PCCB: variants seen among roughly 807,000 people sequenced by gnomAD.
PCCB encodes the protein propionyl-CoA carboxylase beta chain, mitochondrial.
Under a neutral mutation model 60.7 loss-of-function variants are expected in PCCB, and 43 were observed. That is an observed-to-expected ratio of 0.71 (90% CI 0.55 to 0.91). PCCB has a LOEUF of 0.91. Ranked by LOEUF, PCCB falls within the 40% of genes least tolerant of loss-of-function variation. The probability of loss-of-function intolerance (pLI) is 0.00; values close to 1 mark genes in which losing one functional copy is unlikely to be tolerated. For synonymous variants in PCCB, 276 were observed against 255.9 expected, an observed-to-expected ratio of 1.08 and a Z score of -0.75; for missense variants, 766 against 702.8, an observed-to-expected ratio of 1.09 and a Z score of -1.02.
At chr3:136,269,051 CA>C (rs1230482564) in intron 5 of PCCB, among the ~76,000 whole-genome samples, 1 of 151,832 alleles carries the variant, frequency 6.6e-6, no homozygotes, top group Non-Finnish European at 1.5e-5. Flanking sequence ...GAGGCCAAGG[CA>C]GGGGGATCAC....
At chr3:136,256,818 G>A (rs1207999410) in intron 3 of PCCB, among the ~76,000 whole-genome samples, 195 bp downstream of exon 3, 2 of 152,158 alleles carry the variant, frequency 1.3e-5, no homozygotes, top group African/African-American at 2.4e-5. Context: ...GTCTGTTTTG[G>A]GGGGGATCAC....
At chr3:136,255,679 T>A in intron 1 of PCCB, 177 bp from the exon 2 acceptor site, 1 of 651,608 alleles carries the variant, frequency 1.5e-6, no homozygotes, top group South Asian at 1.7e-5. Context: ...CTGATTTCCA[T>A]GTCATCTAAA....
chr3:136,262,767 A>T (rs1941860788), intron 5 of PCCB, among the ~76,000 whole-genome samples: 1 of 152,150 alleles, frequency 6.6e-6, no homozygotes, highest in Non-Finnish European at 1.5e-5. Context: ...AGCCACTCTT[A>T]TCATCCCTGC....
intron 5 of PCCB, among the ~76,000 whole-genome samples, chr3:136,262,747 T>G (rs1296735405): frequency 6.6e-6 from 1 of 152,196 alleles, no homozygotes; most frequent in Non-Finnish European, 1.5e-5. Flanking sequence ...ACATTGTTTT[T>G]AATCAGGCCA....
intron 7 of PCCB, among the ~76,000 whole-genome samples, chr3:136,294,942 G>A (rs532031056): frequency 1.3e-5 from 2 of 152,218 alleles, no homozygotes; most frequent in South Asian, 2.1e-4. Context: ...TTAAGATTAC[G>A]TACCAAGTTT....
At chr3:136,251,503 G>T (rs921395554) in intron 1 of PCCB, among the ~76,000 whole-genome samples, 2 of 152,190 alleles carry the variant, frequency 1.3e-5, no homozygotes, top group Non-Finnish European at 2.9e-5. Flanking sequence ...CTCTATATTT[G>T]TCTAATATTG....
At position 136,329,962 on chromosome 3, in the gene PCCB, T is replaced by C. The variant is rs202247822; in HGVS notation, c.1556T>C (p.Leu519Pro). 3 of 1,614,074 alleles carry C rather than the reference T, an allele frequency of 1.9e-6. No individual in the cohort carries two copies. Among genetic ancestry groups the C allele is most frequent in the Admixed American group, 3.3e-5 (2 of 60,006 alleles). Residue 519 changes from leucine to proline, a missense_variant, in exon 15 of 15, where the codon CTG becomes CCG. Transcript: ENST00000251654. ...ACACGTGCCCGAATCTGCTGTGACC[T>C]GGATGTCTTGGCCAGCAAGAAGGTA... is the stretch of plus-strand genomic sequence containing the variant. The part of the protein sequence containing the change: ...SSTRARICCD[L>P]DVLASKKVQR...
chr3:136,281,013 A>G (rs1180044976), intron 5 of PCCB, among the ~76,000 whole-genome samples: 1 of 152,090 alleles, frequency 6.6e-6, no homozygotes, highest in Admixed American at 6.5e-5. Context: ...CTTGCTGAGG[A>G]TCAGTTGCAT....
At chr3:136,273,597 C>CTTTTTTTTTTTTT in intron 5 of PCCB, among the ~76,000 whole-genome samples, 47 of 45,234 alleles carry the variant, frequency 1.0e-3, no homozygotes, top group Non-Finnish European at 1.6e-3. Context: ...TTTCTTTTTT[C>CTTTTTTTTTTTTT]TTTTTTTTTT....
chr3:136,295,633 T>G (rs796951007), intron 7 of PCCB, among the ~76,000 whole-genome samples: 1 of 152,176 alleles, frequency 6.6e-6, no homozygotes, highest in African/African-American at 2.4e-5. Context: ...TGTTTATTTT[T>G]CCCCATTTTA....
intron 5 of PCCB, among the ~76,000 whole-genome samples, chr3:136,275,822 G>T (rs886218623): frequency 6.6e-6 from 1 of 152,102 alleles, no homozygotes; most frequent in African/African-American, 2.4e-5. Flanking sequence ...TCAGGCTGGA[G>T]TGCAGTGGCA....
At position 136,254,515 on chromosome 3, in the gene PCCB, T is replaced by G. The variant is rs866467002; in HGVS notation, c.184-1341T>G. ...GATTACAGGTGTGAGCCACTGCGGC[T>G]AGCTTTTTTTTTTTTTTTTTTTTTT... On this transcript the variant is annotated intron_variant, in intron 1 of 14. Coordinates refer to ENST00000251654, the MANE Select transcript of PCCB (RefSeq NM_000532.5). 1.6e-3 allele frequency among the ~76,000 whole-genome samples: 177 copies of G among 109,512 alleles called. 1 individual carries two copies. The highest frequency in any genetic ancestry group is 5.2e-3 in the African/African-American group (146 of 27,912). The allele number at this position is 109,512 out of a possible 152,430, so 71.8% of individuals were successfully genotyped here.
chr3:136,282,261 C>G (rs905943100), intron 5 of PCCB, among the ~76,000 whole-genome samples: 1 of 152,190 alleles, frequency 6.6e-6, no homozygotes, highest in Non-Finnish European at 1.5e-5. Context: ...GCTGTTTTAT[C>G]AAATTCTCCT....
At position 136,317,500 on chromosome 3, in the gene PCCB, A is replaced by T. The variant is rs115607602; in HGVS notation, c.1090+436A>T. 2.3e-3 allele frequency among the ~76,000 whole-genome samples: 344 copies of T among 152,204 alleles called. 2 individuals carry two copies. Among genetic ancestry groups the T allele is most frequent in the Non-Finnish European group, 4.2e-3 (284 of 68,016 alleles). ...CACCTCAGCCTCCGAAAGCGCTGGG[A>T]TTACAGACATGAGACACCACAACTG... On this transcript the variant is annotated intron_variant, in intron 10 of 14. Coordinates refer to ENST00000251654, the MANE Select transcript of PCCB (RefSeq NM_000532.5).
At chr3:136,292,501 T>A (rs545672104) in intron 6 of PCCB, among the ~76,000 whole-genome samples, 3 of 152,334 alleles carry the variant, frequency 2.0e-5, no homozygotes, top group Admixed American at 1.3e-4. Context: ...ATTGCAGAAT[T>A]GCTTATTATA....
rs578116330 is a variant in PCCB at position 136,265,950 on chromosome 3, C to T, written c.543+3885C>T. Among the ~76,000 whole-genome samples the T allele has an allele frequency of 9.5e-4, 144 of 151,834 alleles. No individual in the cohort carries two copies. In the South Asian group the frequency reaches 0.01, roughly 11 times the overall value. On this transcript the variant is annotated intron_variant, in intron 5 of 14. Coordinates refer to ENST00000251654, the MANE Select transcript of PCCB (RefSeq NM_000532.5). ...ACGCCATTCTCCTGCCTGAGCCTCCCGAGTAGCTGGGACTACAGGCACCTG... is the reference window on the plus strand; with the variant it reads ...ACGCCATTCTCCTGCCTGAGCCTCCTGAGTAGCTGGGACTACAGGCACCTG...
chr3:136,254,266 T>C lies in PCCB; in HGVS notation c.184-1590T>C, dbSNP rs971357810. 4.9e-4 allele frequency among the ~76,000 whole-genome samples: 75 copies of C among 151,892 alleles called. 2 individuals are homozygous for C. The highest frequency in any genetic ancestry group is 1.5e-4 in the Non-Finnish European group (10 of 67,958). ...CAGTGTCTCACCCTGTCACCCAGGC[T>C]GGAGTACAGTGGTGCGATCTTGGCT... On this transcript the variant is annotated intron_variant, in intron 1 of 14. Transcript: ENST00000251654.
chr3:136,330,109 C>A lies in PCCB; in HGVS notation c.*83C>A. 2 of 1,606,968 alleles carry A rather than the reference C, an allele frequency of 1.2e-6. No individual in the cohort carries two copies. Among genetic ancestry groups the A allele is most frequent in the South Asian group, 2.2e-5 (2 of 90,430 alleles). ...TTCCTGCCTTTTGCAATCATGAAAC[C>A]TGGGAATCCAAATAGTTGGATAACT... On this transcript the variant is annotated 3_prime_UTR_variant, in exon 15 of 15. Coordinates refer to ENST00000251654, the MANE Select transcript of PCCB (RefSeq NM_000532.5).
At chr3:136,262,107 A>AG in intron 5 of PCCB, 42 bp downstream of exon 5, 1 of 1,255,428 alleles carries the variant, frequency 8.0e-7, no homozygotes, top group Non-Finnish European at 1.1e-6. Flanking sequence ...TACAGGGCTT[A>AG]AGTTCTCTAA....
Sources: gnomAD v4.1 joint callset for allele counts (sites outside exome capture counted in the v4.1 genomes callset) on GRCh38, gnomAD v4.1.1 for gene constraint, MANE v1.5 for transcripts, NCBI Gene and HGNC (gene_info 2026-07-23, HGNC 2026-07-21) for gene names.